The following XRCC4 variants were observed in gnomAD, a reference collection of about 807,000 sequenced individuals.
XRCC4 encodes the protein X-ray repair cross complementing 4.
In XRCC4, 28 loss-of-function variants were observed where a neutral mutation model predicts 39.1. The ratio of observed to expected loss-of-function variants is 0.72; its 90% CI spans 0.53 to 0.98. The LOEUF (loss-of-function observed/expected upper bound fraction) is 0.98, where lower values mean the gene tolerates loss of function less well. Ranked by LOEUF, XRCC4 falls within the 50% of genes least tolerant of loss-of-function variation. The pLI is 0.00. For synonymous variants in XRCC4, 123 were observed against 126.4 expected, an observed-to-expected ratio of 0.97 and a Z score of 0.18; for missense variants, 350 against 376.4, an observed-to-expected ratio of 0.93 and a Z score of 0.58.
At chr5:83,103,025 T>TATATATATATG (rs943955057) in intron 1 of XRCC4, among the ~76,000 whole-genome samples, 1 of 142,660 alleles carries the variant, frequency 7.0e-6, no homozygotes, top group Non-Finnish European at 1.5e-5. Flanking sequence ...TATATATATA[T>TATATATATATG]ATATATGTCA....
chr5:83,347,159 A>C (rs1756940562), intron 7 of XRCC4, among the ~76,000 whole-genome samples: 2 of 152,026 alleles, frequency 1.3e-5, no homozygotes, highest in African/African-American at 4.8e-5. Flanking sequence ...TCAACATGAA[A>C]ATACATCTCT....
intron 6 of XRCC4, among the ~76,000 whole-genome samples, chr5:83,208,421 A>G (rs977737292): frequency 1.3e-5 from 2 of 152,060 alleles, no homozygotes; most frequent in Non-Finnish European, 2.9e-5. Flanking sequence ...TGGCAAATTC[A>G]TATTTACCGT....
intron 7 of XRCC4, among the ~76,000 whole-genome samples, chr5:83,282,290 G>A (rs1001567025): frequency 2.0e-5 from 3 of 151,978 alleles, no homozygotes; most frequent in Non-Finnish European, 2.9e-5. Flanking sequence ...AGGAATGTAC[G>A]CAAATAACTG....
chr5:83,105,153 A>T, intron 2 of XRCC4, 95 bp downstream of exon 2: 2 of 1,257,748 alleles, frequency 1.6e-6, no homozygotes, highest in Non-Finnish European at 1.1e-6. Context: ...GGTAAAACTG[A>T]TATTAATTTT....
At chr5:83,176,628 A>ATTTTTT (rs112213729) in intron 3 of XRCC4, among the ~76,000 whole-genome samples, 1 of 145,746 alleles carries the variant, frequency 6.9e-6, no homozygotes, top group Non-Finnish European at 1.5e-5. Context: ...AAGTATTGGA[A>ATTTTTT]TTTTTTTTTT....
chr5:83,270,058 G>A (rs757778291), intron 7 of XRCC4, among the ~76,000 whole-genome samples: 1 of 152,110 alleles, frequency 6.6e-6, no homozygotes, highest in Non-Finnish European at 1.5e-5. Context: ...AGACAGTGAC[G>A]GATTAGCAGG....
At chr5:83,106,258 G>C (rs1746193242) in intron 2 of XRCC4, among the ~76,000 whole-genome samples, 1 of 152,032 alleles carries the variant, frequency 6.6e-6, no homozygotes, top group South Asian at 2.1e-4. Context: ...GAGTGTATAA[G>C]GCTAAAGACA....
chr5:83,329,446 G>A (rs1171035655), intron 7 of XRCC4, among the ~76,000 whole-genome samples: 1 of 152,020 alleles, frequency 6.6e-6, no homozygotes, highest in African/African-American at 2.4e-5. Flanking sequence ...ATAGTAAAAT[G>A]GGCCAGAGAC....
chr5:83,258,681 A>G lies in XRCC4; in HGVS notation c.893+4A>G, dbSNP rs1337327432. ...ATCAGCTTCAAGAAAAGGAAAAGTA[A>G]GTCATTTTATTCTTTGCCAAGAAGT... On this transcript the variant is annotated splice_donor_region_variant and intron_variant, in intron 7 of 7. Transcript: ENST00000396027. The G allele has an allele frequency of 6.2e-7, 1 of 1,609,824 alleles. No individual in the cohort carries two copies. The highest frequency in any genetic ancestry group is 8.5e-7 in the Non-Finnish European group (1 of 1,178,468).
chr5:83,094,084 G>A (rs925544954), intron 1 of XRCC4, among the ~76,000 whole-genome samples: 13 of 151,814 alleles, frequency 8.6e-5, no homozygotes, highest in Non-Finnish European at 1.6e-4. Context: ...ACATGTTATC[G>A]TCAACTCCTC....
chr5:83,308,281 A>C (rs1208493456), intron 7 of XRCC4, among the ~76,000 whole-genome samples: 1 of 152,226 alleles, frequency 6.6e-6, no homozygotes, highest in Non-Finnish European at 1.5e-5. Context: ...ATTTCATTTA[A>C]TATAATAGAC....
Position 83,181,601 on chromosome 5 carries a change from A to G in XRCC4, c.316-14169A>G, listed in dbSNP as rs10073045. 3.0e-3 allele frequency among the ~76,000 whole-genome samples: 451 copies of G among 152,324 alleles called. 2 individuals are homozygous for G. Among genetic ancestry groups the G allele is most frequent in the African/African-American group, 0.01 (431 of 41,580 alleles). Reference sequence around the variant, plus strand: ...CACTCTCTATATTAAACAAGGTTCAATCAGGAAACTAAACCAGAGTAGGTA... The same window carrying G: ...CACTCTCTATATTAAACAAGGTTCAGTCAGGAAACTAAACCAGAGTAGGTA... On this transcript the variant is annotated intron_variant, in intron 3 of 7. Coordinates refer to ENST00000396027, the MANE Select transcript of XRCC4 (RefSeq NM_003401.5).
At chr5:83,196,933 T>C (rs1170174561) in intron 4 of XRCC4, among the ~76,000 whole-genome samples, 8 of 151,752 alleles carry the variant, frequency 5.3e-5, no homozygotes, top group African/African-American at 1.9e-4. Context: ...AACATATGTA[T>C]GTGAAAATGA....
intron 7 of XRCC4, among the ~76,000 whole-genome samples, chr5:83,344,992 G>A (rs868738956): frequency 6.6e-5 from 10 of 152,160 alleles, no homozygotes; most frequent in Middle Eastern, 3.4e-3. Context: ...TTCCTTGGTC[G>A]CTAATGAAGT....
chr5:83,143,689 T>C (rs917808699), intron 3 of XRCC4, among the ~76,000 whole-genome samples: 4 of 152,142 alleles, frequency 2.6e-5, no homozygotes, highest in Admixed American at 6.5e-5. Flanking sequence ...ACCTTTTCTC[T>C]GAACAAAGAT....
chr5:83,105,208 A>G (rs1406324477), intron 2 of XRCC4, 150 bp downstream of exon 2: 3 of 736,592 alleles, frequency 4.1e-6, no homozygotes, highest in Non-Finnish European at 6.2e-6. Context: ...GTAATATTTA[A>G]TGCCACTTTC....
chr5:83,192,409 G>A (rs925855778), intron 3 of XRCC4, among the ~76,000 whole-genome samples: 2 of 151,296 alleles, frequency 1.3e-5, no homozygotes, highest in Non-Finnish European at 2.9e-5. Flanking sequence ...TTGGGTTCAA[G>A]CAATTCTCCT....
At chr5:83,143,837 C>A (rs1748301477) in intron 3 of XRCC4, among the ~76,000 whole-genome samples, 1 of 151,630 alleles carries the variant, frequency 6.6e-6, no homozygotes, top group Non-Finnish European at 1.5e-5. Flanking sequence ...TCCTTGACTG[C>A]TTTTAATATT....
chr5:83,350,018 G>A (rs1757033046), intron 7 of XRCC4, among the ~76,000 whole-genome samples: 1 of 152,076 alleles, frequency 6.6e-6, no homozygotes, highest in South Asian at 2.1e-4. Flanking sequence ...CAGGTATTTG[G>A]TGTTCTGTTC....
Sources: allele counts gnomAD v4.1 joint callset (sites outside exome capture counted in the v4.1 genomes callset), GRCh38; gene constraint gnomAD v4.1.1; transcripts MANE v1.5; gene names NCBI Gene and HGNC (gene_info 2026-07-23, HGNC 2026-07-21).